Variants in KCNB2 observed in about 807,000 individuals in gnomAD.
KCNB2 encodes the protein delayed rectifier potassium channel protein.
Under a neutral mutation model 61.5 loss-of-function variants are expected in KCNB2, and 15 were observed. The ratio of observed to expected loss-of-function variants is 0.24; its 90% CI spans 0.16 to 0.38. KCNB2 has a LOEUF of 0.38. Ranked by LOEUF, KCNB2 falls within the 10% of genes least tolerant of loss-of-function variation. The pLI is 1.00. For synonymous variants in KCNB2, 457 were observed against 446.0 expected, an observed-to-expected ratio of 1.02 and a Z score of -0.31; for missense variants, 828 against 1,125.2, an observed-to-expected ratio of 0.74 and a Z score of 3.78.
chr8:72,902,668 A>G (rs1563418692), intron 2 of KCNB2, among the ~76,000 whole-genome samples: 1 of 152,172 alleles, frequency 6.6e-6, no homozygotes, highest in Non-Finnish European at 1.5e-5. Context: ...TAAATGAACA[A>G]CTGAATGAGT....
intron 2 of KCNB2, among the ~76,000 whole-genome samples, chr8:72,729,312 G>T (rs1248770033): frequency 2.6e-5 from 4 of 152,074 alleles, no homozygotes; most frequent in Admixed American, 2.6e-4. Flanking sequence ...TTTTAATTTG[G>T]AAATATTACT....
intron 2 of KCNB2, among the ~76,000 whole-genome samples, chr8:72,598,023 G>A (rs1253140743): frequency 6.6e-6 from 1 of 152,100 alleles, no homozygotes; most frequent in African/African-American, 2.4e-5. Context: ...AAAGACACAT[G>A]CATACATGTG....
chr8:72,553,544 A>G (rs1036971122), intron 1 of KCNB2, among the ~76,000 whole-genome samples: 10 of 152,174 alleles, frequency 6.6e-5, no homozygotes, highest in Admixed American at 3.3e-4. Context: ...TCAGGTTATC[A>G]TTAAATATTA....
chr8:72,885,810 T>C (rs1456157808), intron 2 of KCNB2, among the ~76,000 whole-genome samples: 2 of 152,162 alleles, frequency 1.3e-5, no homozygotes, highest in Non-Finnish European at 2.9e-5. Context: ...ATTTTTGAGA[T>C]AGCATGTAGG....
At chr8:72,792,792 C>A (rs1175230507) in intron 2 of KCNB2, among the ~76,000 whole-genome samples, 1 of 152,180 alleles carries the variant, frequency 6.6e-6, no homozygotes, top group Admixed American at 6.5e-5. Context: ...CCAAGCCTAC[C>A]CAGTTAAGTA....
intron 2 of KCNB2, among the ~76,000 whole-genome samples, chr8:72,770,812 G>A (rs1808545361): frequency 6.6e-6 from 1 of 152,232 alleles, no homozygotes; most frequent in African/African-American, 2.4e-5. Context: ...TATAGATGCA[G>A]TATACTGCAA....
At chr8:72,602,662 G>A (rs1805372891) in intron 2 of KCNB2, among the ~76,000 whole-genome samples, 1 of 152,096 alleles carries the variant, frequency 6.6e-6, no homozygotes, top group South Asian at 2.1e-4. Context: ...TTTATGGGTT[G>A]GGAATTCAGG....
At chr8:72,574,705 C>T (rs576385206) in intron 2 of KCNB2, among the ~76,000 whole-genome samples, 14 of 152,150 alleles carry the variant, frequency 9.2e-5, no homozygotes, top group South Asian at 4.2e-4. Flanking sequence ...TCATTTTCAA[C>T]GTTGAAAAAG....
intron 2 of KCNB2, among the ~76,000 whole-genome samples, chr8:72,834,073 ATTCT>A (rs1032851481): frequency 6.6e-6 from 1 of 152,164 alleles, no homozygotes; most frequent in African/African-American, 2.4e-5. Flanking sequence ...AAATATATTC[ATTCT>A]GTTTTTCACA....
intron 2 of KCNB2, among the ~76,000 whole-genome samples, chr8:72,915,694 C>T (rs1007285724): frequency 5.9e-5 from 9 of 151,914 alleles, no homozygotes; most frequent in Non-Finnish European, 1.0e-4. Context: ...CTGAGGCGGG[C>T]GGATCATGAG....
intron 2 of KCNB2, among the ~76,000 whole-genome samples, chr8:72,870,329 T>A (rs1805595977): frequency 6.6e-6 from 1 of 152,184 alleles, no homozygotes; most frequent in Non-Finnish European, 1.5e-5. Context: ...AGAGGGTAGA[T>A]CTCAAGTGTT....
At chr8:72,858,804 T>G (rs1275176700) in intron 2 of KCNB2, among the ~76,000 whole-genome samples, 1 of 152,210 alleles carries the variant, frequency 6.6e-6, no homozygotes, top group Non-Finnish European at 1.5e-5. Context: ...TATTGTTGCC[T>G]TCTCTCTTCC....
At chr8:72,772,541 T>C (rs774475734) in intron 2 of KCNB2, among the ~76,000 whole-genome samples, 27 of 152,230 alleles carry the variant, frequency 1.8e-4, no homozygotes, top group Non-Finnish European at 2.9e-4. Flanking sequence ...TCTGTTTTGC[T>C]GTTGTTGCTG....
chr8:72,787,339 G>A (rs1420072332), intron 2 of KCNB2, among the ~76,000 whole-genome samples: 1 of 151,998 alleles, frequency 6.6e-6, no homozygotes, highest in Non-Finnish European at 1.5e-5. Flanking sequence ...TGAAGCTGAA[G>A]TAAGCCTTGA....
At chr8:72,681,309 C>G (rs930506303) in intron 2 of KCNB2, among the ~76,000 whole-genome samples, 1 of 152,070 alleles carries the variant, frequency 6.6e-6, no homozygotes, top group Non-Finnish European at 1.5e-5. Context: ...AAAAAGACAG[C>G]TTTTTTTCTC....
chr8:72,936,609 C>A lies in KCNB2; in HGVS notation c.1254C>A (p.Asn418Lys). Residue 418 changes from asparagine to lysine, a missense_variant, in exon 3 of 3, where the codon AAC becomes AAA. Physicochemically the swap from Asn to Lys is moderately conservative, Grantham distance 94 (BLOSUM62 0). This residue lies in a region of KCNB2 where 44 missense variants were observed against 167.6 expected (regional missense o/e 0.26). Transcript: ENST00000523207. The surrounding 1 kb of genome is among the most constrained non-coding windows in gnomAD (Gnocchi z 5.6). ...VIALPIPIIV[N>K]NFSEFYKEQK... ...CCCTTCCTATCCCAATTATTGTGAA[C>A]AATTTTTCTGAGTTTTACAAGGAGC... 2 of 1,614,080 alleles carry A rather than the reference C, an allele frequency of 1.2e-6. No individual in the cohort carries two copies. Among genetic ancestry groups the A allele is most frequent in the Non-Finnish European group, 1.7e-6 (2 of 1,180,018 alleles).
intron 2 of KCNB2, among the ~76,000 whole-genome samples, chr8:72,760,599 C>T (rs1375055523): frequency 1.3e-5 from 2 of 152,146 alleles, no homozygotes; most frequent in Non-Finnish European, 2.9e-5. Context: ...CTAAGCCCTC[C>T]AGCTTATTTT....
intron 2 of KCNB2, among the ~76,000 whole-genome samples, chr8:72,789,265 T>C (rs1295950204): frequency 6.6e-6 from 1 of 152,206 alleles, no homozygotes; most frequent in Non-Finnish European, 1.5e-5. Flanking sequence ...AATACTGTTA[T>C]TAACAACATT....
intron 2 of KCNB2, among the ~76,000 whole-genome samples, chr8:72,788,819 A>T (rs1025828453): frequency 6.6e-6 from 1 of 152,180 alleles, no homozygotes; most frequent in Non-Finnish European, 1.5e-5. Flanking sequence ...TGAGCCCATC[A>T]TCTACTTGCT....
Sources: gnomAD v4.1 joint callset for allele counts (sites outside exome capture counted in the v4.1 genomes callset) on GRCh38, gnomAD v4.1.1 for gene constraint, gnomAD v4.1.1 regional missense constraint, Gnocchi (gnomAD v3.1) non-coding constraint, MANE v1.5 for transcripts, NCBI Gene and HGNC (gene_info 2026-07-23, HGNC 2026-07-21) for gene names.